ECE1: variants seen among roughly 807,000 people sequenced by gnomAD.
ECE1 encodes the protein endothelin-converting enzyme 1.
Under a neutral mutation model 98.6 loss-of-function variants are expected in ECE1, and 35 were observed. The ratio of observed to expected loss-of-function variants is 0.35; its 90% CI spans 0.27 to 0.47. The LOEUF is 0.47. Ranked by LOEUF, ECE1 falls within the 20% of genes least tolerant of loss-of-function variation. ECE1 has a pLI of 1.00. For synonymous variants in ECE1, 394 were observed against 407.1 expected (o/e 0.97, Z 0.39); for missense variants, 814 against 1,025.3 (o/e 0.79, Z 2.81).
chr1:21,217,253 C>T lies in ECE1; in HGVS notation c.*2702G>A, dbSNP rs1049832848. The T allele has an allele frequency of 6.6e-6, 1 of 152,198 alleles. No homozygotes were observed. Among genetic ancestry groups the T allele is most frequent in the Admixed American group, 6.6e-5 (1 of 15,258 alleles). The allele number at this position is 152,198 out of a possible 1,614,324, so 9.4% of individuals were successfully genotyped here. On this transcript the variant is annotated 3_prime_UTR_variant, in exon 19 of 19. Coordinates refer to ENST00000374893, the MANE Select transcript of ECE1 (RefSeq NM_001397.3). ...ACAGACACCCAGACACATGGCCCTC[C>T]GTACAAGTATTTTATTTCCATTACA...
Position 21,260,523 on chromosome 1 carries a change from G to C in ECE1, c.494-131C>G. 2 of 1,214,832 alleles carry C rather than the reference G, an allele frequency of 1.6e-6. No homozygotes were observed. Among genetic ancestry groups the C allele is most frequent in the Non-Finnish European group, 2.4e-6 (2 of 830,400 alleles). The allele number at this position is 1,214,832 out of a possible 1,614,324, so 75.3% of individuals were successfully genotyped here. A position where few individuals can be genotyped will look rare whatever the true frequency, so the allele number is the denominator to read the frequency against. ...GCTCTGACATCTGCCTGTCGGAGTGGCAGTGAGGAATGCCGTCACCGTGAG... is the reference window on the plus strand; with the variant it reads ...GCTCTGACATCTGCCTGTCGGAGTGCCAGTGAGGAATGCCGTCACCGTGAG... On this transcript the variant is annotated intron_variant, in intron 4 of 18. Transcript: ENST00000374893. This position sits in a 1 kb window ranked among gnomAD's most constrained non-coding sequence, Gnocchi z 4.3.
chr1:21,290,051 G>A lies in ECE1; in HGVS notation c.138+19C>T, dbSNP rs768308140. On this transcript the variant is annotated intron_variant, in intron 2 of 18. Coordinates refer to ENST00000374893, the MANE Select transcript of ECE1 (RefSeq NM_001397.3). The surrounding 1 kb of genome is among the most constrained non-coding windows in gnomAD (Gnocchi z 7.3). The stretch of plus-strand genomic sequence containing the variant: ...GGCCCGGGGCGCCTGGACCTCGGGA[G>A]GGAGCGGAGGGCGCCTACCTGCAGG... 6.9e-7 allele frequency: 1 copy of A among 1,443,792 alleles called. No individual in the cohort carries two copies. Among genetic ancestry groups the A allele is most frequent in the Non-Finnish European group, 9.2e-7 (1 of 1,089,132 alleles). The allele number at this position is 1,443,792 out of a possible 1,614,324, so 89.4% of individuals were successfully genotyped here. A position where few individuals can be genotyped will look rare whatever the true frequency, so the allele number is the denominator to read the frequency against.
intron 4 of ECE1, 113 bp downstream of exon 4, chr1:21,272,586 C>T (rs1558403962): frequency 1.5e-6 from 2 of 1,323,048 alleles, no homozygotes; most frequent in Admixed American, 1.9e-5. Context: ...GCCACCGTGC[C>T]CGGCCCATTC....
chr1:21,272,714 T>C lies in ECE1; in HGVS notation c.478A>G (p.Ile160Val), dbSNP rs144878231. Residue 160 changes from isoleucine (I) to valine (V), a missense_variant, in exon 4 of 19, where the codon ATC (isoleucine) becomes GTC (valine). Transcript: ENST00000374893. Reference sequence around the variant, plus strand: ...GGATGCTTACCGAGGAGGTGCTTGATGATTGCTTGGTTGTGTTCCCAGAGG... The same window carrying C: ...GGATGCTTACCGAGGAGGTGCTTGACGATTGCTTGGTTGTGTTCCCAGAGG... ...SNLWEHNQAI[I>V]KHLLENSTAS... is the part of the protein sequence containing the mutation. 10 of 1,614,236 alleles carry C rather than the reference T, an allele frequency of 6.2e-6. No individual in the cohort carries two copies. Among genetic ancestry groups the C allele is most frequent in the Non-Finnish European group, 8.5e-6 (10 of 1,180,052 alleles).
Position 21,238,251 on chromosome 1 carries a change from AAC to A in ECE1, c.1279-9_1279-8del, listed in dbSNP as rs755214389. 36 of 1,612,468 alleles carry A rather than the reference AAC, an allele frequency of 2.2e-5. No homozygotes were observed. Among genetic ancestry groups the A allele is most frequent in the Non-Finnish European group, 2.9e-5 (34 of 1,178,720 alleles). On this transcript the variant is annotated splice_polypyrimidine_tract_variant and splice_region_variant and intron_variant, in intron 10 of 18. Coordinates refer to ENST00000374893, the MANE Select transcript of ECE1 (RefSeq NM_001397.3). ...TCCAGCGAGGAAGACAGGTCTGGAAAACACAAGTCAGGGGGCTCGCTGGGCCC... is the reference window on the plus strand; with the variant it reads ...TCCAGCGAGGAAGACAGGTCTGGAAAACAAGTCAGGGGGCTCGCTGGGCCC...
chr1:21,340,943 G>A lies in ECE1; in HGVS notation c.3+4433C>T, dbSNP rs1028347606. Among the ~76,000 whole-genome samples, 5 of 17,080 alleles carry A rather than the reference G, an allele frequency of 2.9e-4. No homozygotes were observed. Among genetic ancestry groups the A allele is most frequent in the Admixed American group, 1.7e-3 (5 of 2,866 alleles). The allele number at this position is 17,080 out of a possible 152,430, so 11.2% of individuals were successfully genotyped here. A position where few individuals can be genotyped will look rare whatever the true frequency, so the allele number is the denominator to read the frequency against. On this transcript the variant is annotated intron_variant, in intron 1 of 18. Coordinates refer to the ECE1 transcript ENST00000415912. This position sits in a 1 kb window ranked among gnomAD's most constrained non-coding sequence, Gnocchi z 4.6. ...ATGACCATCCCTGAGTGCACCCTCC[G>A]GGCCACCTCCTAAGCACAGTCCTCC...
chr1:21,303,398 G>C (rs1274669792), intron 1 of ECE1, among the ~76,000 whole-genome samples: 1 of 152,178 alleles, frequency 6.6e-6, no homozygotes, highest in Non-Finnish European at 1.5e-5. Context: ...CCATAACCTT[G>C]GGCAAATCAC....
Position 21,345,433 on chromosome 1 carries a change from C to G in ECE1, c.-55G>C, listed in dbSNP as rs1569804931. 7.7e-7 allele frequency: 1 copy of G among 1,304,440 alleles called. No homozygotes were observed. The highest frequency in any genetic ancestry group is 9.9e-7 in the Non-Finnish European group (1 of 1,014,542). 80.8% of individuals were successfully genotyped at this position (1,304,440 alleles called of 1,614,324 possible). On this transcript the variant is annotated 5_prime_UTR_variant, in exon 1 of 19. Transcript: ENST00000415912. The surrounding 1 kb of genome is among the most constrained non-coding windows in gnomAD (Gnocchi z 5.1). ...AGCTCCCCGCGCCCGGCTCCCGATT[C>G]CCAGCTCCGGGTTCCCTGCTCCCAG...
At chr1:21,338,662 T>G (rs1303431723) in intron 1 of ECE1, among the ~76,000 whole-genome samples, 1 of 152,206 alleles carries the variant, frequency 6.6e-6, no homozygotes, top group Non-Finnish European at 1.5e-5. Flanking sequence ...ATGGGAAGAC[T>G]GAGGCCCACG....
In ECE1 at chr1:21,290,230, G is replaced by A. The variant is rs567868712; in HGVS notation, c.52-74C>T. 4 of 1,413,410 alleles carry A rather than the reference G, an allele frequency of 2.8e-6. No individual in the cohort carries two copies. The Admixed American group carries it at 8.2e-5, about 29-fold the overall frequency. 87.6% of individuals were successfully genotyped at this position (1,413,410 alleles called of 1,614,324 possible). A position where few individuals can be genotyped will look rare whatever the true frequency, so the allele number is the denominator to read the frequency against. On this transcript the variant is annotated intron_variant, in intron 1 of 18. Coordinates refer to ENST00000374893, the MANE Select transcript of ECE1 (RefSeq NM_001397.3). The surrounding 1 kb of genome is among the most constrained non-coding windows in gnomAD (Gnocchi z 7.3). ...CGCGCCCGAATGGGGAAGCGGCCCCGACCCTGGCGCCGCCGCCGCCGCGCC... is the reference window on the plus strand; with the variant it reads ...CGCGCCCGAATGGGGAAGCGGCCCCAACCCTGGCGCCGCCGCCGCCGCGCC...
At chr1:21,289,356 C>A (rs2098263936) in intron 2 of ECE1, among the ~76,000 whole-genome samples, 1 of 152,168 alleles carries the variant, frequency 6.6e-6, no homozygotes. Context: ...TGTCCCAGTG[C>A]AGCCCCCCAG....
At chr1:21,341,808 C>CTT (rs1234984091) in intron 1 of ECE1, among the ~76,000 whole-genome samples, 3 of 150,468 alleles carry the variant, frequency 2.0e-5, no homozygotes, top group African/African-American at 7.5e-5. Flanking sequence ...CTTCTCCCTA[C>CTT]CTTTTTTTTT....
chr1:21,268,960 T>A (rs1015676664), intron 4 of ECE1, among the ~76,000 whole-genome samples: 2 of 152,236 alleles, frequency 1.3e-5, no homozygotes, highest in African/African-American at 4.8e-5. Flanking sequence ...CCAGGATATG[T>A]CTTCCGGGGA....
chr1:21,276,219 T>A (rs2098246972), intron 3 of ECE1, among the ~76,000 whole-genome samples: 1 of 152,040 alleles, frequency 6.6e-6, no homozygotes, highest in African/African-American at 2.4e-5. Flanking sequence ...AGACACGAGG[T>A]TTCACCATGT....
chr1:21,302,183 C>G (rs1431696330), intron 1 of ECE1, among the ~76,000 whole-genome samples: 1 of 152,234 alleles, frequency 6.6e-6, no homozygotes, highest in Non-Finnish European at 1.5e-5. Flanking sequence ...AGCAGCTTAA[C>G]AGGCTAAGTT....
chr1:21,222,183 CACACAT>C (rs1435800733), intron 17 of ECE1: 2 of 349,120 alleles, frequency 5.7e-6, no homozygotes, highest in Non-Finnish European at 1.1e-5. Context: ...TGCACACACA[CACACAT>C]ACACACAACT....
chr1:21,259,421 C>A (rs778071693), intron 5 of ECE1, among the ~76,000 whole-genome samples: 1 of 152,088 alleles, frequency 6.6e-6, no homozygotes, highest in East Asian at 1.9e-4. Flanking sequence ...GTGTGTATCA[C>A]CACACCTGGC....
In ECE1 at chr1:21,220,072, G is replaced by A; in HGVS notation, c.2196C>T (p.His732=). 1 of 1,614,236 alleles carries A rather than the reference G, an allele frequency of 6.2e-7. No individual in the cohort carries two copies. Among genetic ancestry groups the A allele is most frequent in the South Asian group, 1.1e-5 (1 of 91,088 alleles). The change falls in exon 19 of 19, where the codon CAC becomes CAT. Residue 732 remains histidine (H), a synonymous_variant. Transcript: ENST00000374893. The surrounding 1 kb of genome is among the most constrained non-coding windows in gnomAD (Gnocchi z 5.0). ...SSHEGLITDP[H]SPSRFRVIGS... ...CGATGACCCGGAAGCGAGAGGGGCT[G>A]TGGGGATCGGTGATGAGGCCTTCGT...
At chr1:21,300,487 T>TGTA (rs1178204723) in intron 1 of ECE1, among the ~76,000 whole-genome samples, 1 of 151,694 alleles carries the variant, frequency 6.6e-6, no homozygotes, top group Non-Finnish European at 1.5e-5. Context: ...CTAGCTGGAG[T>TGTA]GTAGTAGTGC....
Sources: gnomAD v4.1 joint callset for allele counts (sites outside exome capture counted in the v4.1 genomes callset) on GRCh38, gnomAD v4.1.1 for gene constraint, Gnocchi (gnomAD v3.1) non-coding constraint, MANE v1.5 for transcripts, NCBI Gene and HGNC (gene_info 2026-07-23, HGNC 2026-07-21) for gene names.